Variants in GPI observed in about 807,000 individuals in gnomAD.
The protein encoded by GPI is D-hexose-6-phosphate anomerase.
GPI carries 56 observed loss-of-function variants against 75.8 expected under a neutral mutation model. The ratio of observed to expected loss-of-function variants is 0.74; its 90% confidence interval spans 0.60 to 0.92. The LOEUF (loss-of-function observed/expected upper bound fraction) is 0.92. Ranked by LOEUF, GPI falls within the 40% of genes least tolerant of loss-of-function variation. GPI has a pLI of 0.00. For synonymous variants in GPI, 288 were observed against 285.4 expected (o/e 1.01, Z -0.09); for missense variants, 638 against 741.0 (o/e 0.86, Z 1.61).
At chr19:34,377,917 G>C (rs572608764) in intron 6 of GPI, 36 bp downstream of exon 6, 1 of 1,611,658 alleles carries the variant, frequency 6.2e-7, no homozygotes, top group South Asian at 1.1e-5. Context: ...CCCTGGCCCT[G>C]TGTGTGTTGG....
intron 13 of GPI, 68 bp from the exon 14 acceptor site, chr19:34,396,513 C>T: frequency 6.2e-7 from 1 of 1,611,156 alleles, no homozygotes. Context: ...GGTCAGTGCC[C>T]TCCTCTAGGC....
chr19:34,395,608 T>C (rs1472479697), intron 12 of GPI, among the ~76,000 whole-genome samples: 1 of 152,162 alleles, frequency 6.6e-6, no homozygotes, highest in Non-Finnish European at 1.5e-5. Flanking sequence ...TGAGCTGATT[T>C]TGTGACCGAT....
chr19:34,377,867 A>G lies in GPI; in HGVS notation c.619A>G (p.Ile207Val). 2 of 1,614,080 alleles carry G rather than the reference A, an allele frequency of 1.2e-6. No homozygotes were observed. The highest frequency in any genetic ancestry group is 1.7e-6 in the Non-Finnish European group (2 of 1,179,994). Residue 207 changes from isoleucine to valine, a missense_variant, in exon 6 of 18, where the codon ATC (isoleucine) becomes GTC (valine). Transcript: ENST00000356487. ...AQLNPESSLF[I>V]IASKTFTTQE... is the part of the protein sequence containing the mutation. ...GCTGAACCCCGAGTCCTCCCTGTTC[A>G]TCATTGCCTCCAAGGTATGAGTGCC...
chr19:34,365,548 A>G, intron 1 of GPI, 160 bp downstream of exon 1: 1 of 1,222,042 alleles, frequency 8.2e-7, no homozygotes, highest in Non-Finnish European at 1.2e-6. Flanking sequence ...TCGTCCTTGG[A>G]GTCTCCTTGG....
chr19:34,380,188 G>T (rs1028852324), intron 8 of GPI, among the ~76,000 whole-genome samples: 3 of 151,666 alleles, frequency 2.0e-5, no homozygotes, highest in Non-Finnish European at 4.4e-5. Flanking sequence ...TAGAGACGGG[G>T]TTTCACCACG....
chr19:34,365,061 G>T, upstream of GPI: 1 of 1,487,584 alleles, frequency 6.7e-7, no homozygotes, highest in Non-Finnish European at 8.9e-7. Flanking sequence ...GCGGCCGCGG[G>T]CAAGGTCGCT....
chr19:34,396,825 A>AG (rs996568394), intron 14 of GPI, among the ~76,000 whole-genome samples, 168 bp downstream of exon 14: 3 of 151,990 alleles, frequency 2.0e-5, no homozygotes, highest in Non-Finnish European at 2.9e-5. Flanking sequence ...TGGGGTGGGG[A>AG]GGGGGGACAG....
chr19:34,384,547 T>C (rs960257949), intron 9 of GPI, among the ~76,000 whole-genome samples: 25 of 152,196 alleles, frequency 1.6e-4, no homozygotes, highest in African/African-American at 6.0e-4. Flanking sequence ...TGTCCTGCAG[T>C]TGAGGTCAGG....
chr19:34,366,506 C>T, intron 2 of GPI, 71 bp downstream of exon 2: 9 of 1,029,054 alleles, frequency 8.7e-6, no homozygotes, highest in Non-Finnish European at 1.2e-5. Context: ...CCTGGGAGTC[C>T]CCAGGACCTT....
At chr19:34,398,712 C>CTTT in intron 14 of GPI, 1 of 142,688 alleles carries the variant, frequency 7.0e-6, no homozygotes, top group Non-Finnish European at 1.5e-5. Flanking sequence ...GTGTGTAGTT[C>CTTT]TTTTTTTTTT....
chr19:34,377,903 C>T lies in GPI; in HGVS notation c.633+22C>T, dbSNP rs201404192. The T allele has an allele frequency of 4.0e-4, 641 of 1,613,490 alleles. 8 individuals are homozygous for T. The highest frequency in any genetic ancestry group is 8.9e-4 in the South Asian group (81 of 91,060). ...CAAGGTATGAGTGCCGAAAACTGCC[C>T]GGCCCCTGGCCCTGTGTGTGTTGGG... On this transcript the variant is annotated intron_variant, in intron 6 of 17. Coordinates refer to ENST00000356487, the MANE Select transcript of GPI (RefSeq NM_000175.5).
chr19:34,366,696 G>C (rs1462725634), intron 2 of GPI, 87 bp from the exon 3 acceptor site: 2 of 915,934 alleles, frequency 2.2e-6, no homozygotes, highest in African/African-American at 1.6e-5. Flanking sequence ...TGTCTCATTG[G>C]GGACAGCACC....
At chr19:34,366,940 C>A in intron 3 of GPI, 89 bp downstream of exon 3, 1 of 994,696 alleles carries the variant, frequency 1.0e-6, no homozygotes, top group Non-Finnish European at 1.6e-6. Flanking sequence ...TGTCTTCACC[C>A]CTTCTCTTGG....
At chr19:34,395,238 T>G (rs2074927118) in intron 12 of GPI, among the ~76,000 whole-genome samples, 1 of 152,140 alleles carries the variant, frequency 6.6e-6, no homozygotes, top group South Asian at 2.1e-4. Context: ...CCTCAAAGGC[T>G]GTACTCTTAG....
At chr19:34,370,884 C>T (rs916094970) in intron 4 of GPI, among the ~76,000 whole-genome samples, 2 of 152,214 alleles carry the variant, frequency 1.3e-5, no homozygotes, top group African/African-American at 2.4e-5. Context: ...TGCCACTGTC[C>T]TCCAGCTCAG....
Position 34,400,625 on chromosome 19 carries a change from G to T in GPI, c.*589G>T. On this transcript the variant is annotated 3_prime_UTR_variant, in exon 18 of 18. Coordinates refer to ENST00000356487, the MANE Select transcript of GPI (RefSeq NM_000175.5). ...TCGATGGTTCTAAAAACTGCATTGA[G>T]ATTATGTTTGTTTCGGGTGAATTCC... The T allele has an allele frequency of 2.4e-6, 1 of 408,578 alleles. No individual in the cohort carries two copies. Among genetic ancestry groups the T allele is most frequent in the Non-Finnish European group, 4.3e-6 (1 of 231,242 alleles). The allele number at this position is 408,578 out of a possible 1,614,324, so 25.3% of individuals were successfully genotyped here.
intron 9 of GPI, among the ~76,000 whole-genome samples, chr19:34,382,650 G>T (rs2074672440): frequency 6.6e-6 from 1 of 152,132 alleles, no homozygotes; most frequent in African/African-American, 2.4e-5. Flanking sequence ...GCCTGAGCAG[G>T]TGGTGGGCAG....
chr19:34,398,436 A>G (rs1423590951), intron 14 of GPI: 1 of 152,036 alleles, frequency 6.6e-6, no homozygotes, highest in African/African-American at 2.4e-5. Context: ...CCAAGGCTCT[A>G]CTAGAACAGG....
chr19:34,393,363 G>A lies in GPI; in HGVS notation c.865+55G>A. 2 of 1,364,218 alleles carry A rather than the reference G, an allele frequency of 1.5e-6. No individual in the cohort carries two copies. The highest frequency in any genetic ancestry group is 1.7e-5 in the Admixed American group (1 of 59,736). The allele number at this position is 1,364,218 out of a possible 1,614,324, so 84.5% of individuals were successfully genotyped here. A position where few individuals can be genotyped will look rare whatever the true frequency, so the allele number is the denominator to read the frequency against. On this transcript the variant is annotated intron_variant, in intron 10 of 17. Transcript: ENST00000356487. This position sits in a 1 kb window ranked among gnomAD's most constrained non-coding sequence, Gnocchi z 4.4. ...TGTGGGAGACAGTGTTGCAGTCTAAGGTCGGGGTAGGGGGCTTGTGTCCCT... is the reference window on the plus strand; with the variant it reads ...TGTGGGAGACAGTGTTGCAGTCTAAAGTCGGGGTAGGGGGCTTGTGTCCCT...
Sources: allele counts gnomAD v4.1 joint callset (sites outside exome capture counted in the v4.1 genomes callset), GRCh38; gene constraint gnomAD v4.1.1; non-coding constraint Gnocchi (gnomAD v3.1); transcripts MANE v1.5; gene names NCBI Gene and HGNC (gene_info 2026-07-23, HGNC 2026-07-21).